Variants in SHOC1 observed in about 807,000 individuals in gnomAD.
SHOC1 encodes protein shortage in chiasmata 1 ortholog.
In SHOC1, 136 loss-of-function variants were observed where a neutral mutation model predicts 179.2. The ratio of observed to expected loss-of-function variants is 0.76; its 90% CI spans 0.66 to 0.87. The LOEUF is 0.87. Ranked by LOEUF, SHOC1 falls within the 40% of genes least tolerant of loss-of-function variation. SHOC1 has a pLI of 0.00. For synonymous variants in SHOC1, 489 were observed against 586.6 expected (o/e 0.83, Z 2.41); for missense variants, 1,538 against 1,700.8 (o/e 0.90, Z 1.68).
intron 5 of SHOC1, 76 bp from the exon 6 acceptor site, chr9:111,758,924 A>T (rs1835008336): frequency 9.5e-6 from 9 of 949,446 alleles, no homozygotes; most frequent in Non-Finnish European, 1.4e-5. Context: ...TAGTTAATGT[A>T]ATCAGTCATT....
intron 5 of SHOC1, among the ~76,000 whole-genome samples, chr9:111,766,265 G>A (rs377607946): frequency 6.6e-6 from 1 of 152,136 alleles, no homozygotes; most frequent in East Asian, 1.9e-4. Context: ...ATATTCCATT[G>A]TGTAGATATA....
Position 111,691,544 on chromosome 9 carries a change from G to T in SHOC1, c.4426+7C>A, listed in dbSNP as rs1831422130. 2 of 1,606,390 alleles carry T rather than the reference G, an allele frequency of 1.2e-6. No homozygotes were observed. Among genetic ancestry groups the T allele is most frequent in the South Asian group, 1.1e-5 (1 of 90,160 alleles). On this transcript the variant is annotated splice_region_variant and intron_variant, in intron 27 of 27. Coordinates refer to ENST00000682961, the MANE Select transcript of SHOC1 (RefSeq NM_001378211.1). ...GAGTAGTTTTATCAACTATTGGATA[G>T]TGTTACCTGTTAATGATTCCTTGTC...
chr9:111,694,146 G>GA, intron 25 of SHOC1, 85 bp downstream of exon 25: 1 of 1,365,792 alleles, frequency 7.3e-7, no homozygotes, highest in Admixed American at 2.2e-5. Context: ...ACATTTGGGG[G>GA]AAAAATGTTA....
Position 111,738,317 on chromosome 9 carries a change from A to G in SHOC1, c.1380T>C (p.Ile460=). The G allele has an allele frequency of 6.2e-7, 1 of 1,611,628 alleles. No individual in the cohort carries two copies. Among genetic ancestry groups the G allele is most frequent in the Non-Finnish European group, 8.5e-7 (1 of 1,179,034 alleles). Residue 460 remains isoleucine, a synonymous_variant, in exon 12 of 28, where the codon ATT becomes ATC. Coordinates refer to ENST00000682961, the MANE Select transcript of SHOC1 (RefSeq NM_001378211.1). The stretch of plus-strand genomic sequence containing the variant: ...GCACTTTCGTAGGCAAAAATATCTC[A>G]ATTTTAGTGTCATTAGAAGACAAAT... ...HDNLSSNDTK[I]EIFLPTKVLQ...
intron 13 of SHOC1, 106 bp downstream of exon 13, chr9:111,727,522 AATAAC>A (rs1240188293): frequency 1.0e-6 from 1 of 992,812 alleles, no homozygotes; most frequent in African/African-American, 1.7e-5. Context: ...GACTACAAAA[AATAAC>A]ATAATTTTAT....
chr9:111,753,682 C>A (rs1380378915), intron 8 of SHOC1, among the ~76,000 whole-genome samples: 4 of 152,034 alleles, frequency 2.6e-5, no homozygotes, highest in Non-Finnish European at 5.9e-5. Context: ...ATGTGATACA[C>A]TACATTAATA....
intron 4 of SHOC1, among the ~76,000 whole-genome samples, chr9:111,780,638 T>C (rs1419582193): frequency 6.6e-6 from 1 of 152,178 alleles, no homozygotes; most frequent in Non-Finnish European, 1.5e-5. Context: ...TCTGTATTTA[T>C]AACATAGGTG....
In SHOC1 at chr9:111,686,602, T is replaced by A; in HGVS notation, c.*168A>T. The A allele has an allele frequency of 1.8e-5, 9 of 500,486 alleles. No homozygotes were observed. The South Asian group carries it at 2.3e-4, about 13-fold the overall frequency. The allele number at this position is 500,486 out of a possible 1,614,324, so 31.0% of individuals were successfully genotyped here. ...AATTAGAATATTTAACTTACAAAGATGCAAACCATAGGGCAGAATACATAT... is the reference window on the plus strand; with the variant it reads ...AATTAGAATATTTAACTTACAAAGAAGCAAACCATAGGGCAGAATACATAT... On this transcript the variant is annotated 3_prime_UTR_variant, in exon 28 of 28. Coordinates refer to ENST00000682961, the MANE Select transcript of SHOC1 (RefSeq NM_001378211.1).
chr9:111,720,802 G>A (rs1410232452), intron 15 of SHOC1, among the ~76,000 whole-genome samples: 1 of 152,120 alleles, frequency 6.6e-6, no homozygotes, highest in Non-Finnish European at 1.5e-5. Flanking sequence ...TTTGATCTAG[G>A]TCTTTTTAAA....
At chr9:111,692,566 T>C in intron 26 of SHOC1, 55 bp from the exon 27 acceptor site, 2 of 1,340,816 alleles carry the variant, frequency 1.5e-6, no homozygotes, top group Non-Finnish European at 2.0e-6. Flanking sequence ...TAAATAATGA[T>C]GCTTATCTAT....
rs1589372861 is a variant in SHOC1 at position 111,694,285 on chromosome 9, C to T, written c.3261G>A (p.Lys1087=). 1 of 1,612,182 alleles carries T rather than the reference C, an allele frequency of 6.2e-7. No individual in the cohort carries two copies. The highest frequency in any genetic ancestry group is 8.5e-7 in the Non-Finnish European group (1 of 1,178,660). Reference sequence around the variant, plus strand: ...TATCCAACCATTCATGAGGATCTCTCTTTGAGGTCATTAAACTGTGGTCAG... The same window carrying T: ...TATCCAACCATTCATGAGGATCTCTTTTTGAGGTCATTAAACTGTGGTCAG... ...QIADHSLMTS[K]RDPHEWLDKS... The change falls in exon 25 of 28, where the codon AAG becomes AAA. Residue 1087 remains lysine, a synonymous_variant. Coordinates refer to ENST00000682961, the MANE Select transcript of SHOC1 (RefSeq NM_001378211.1).
At chr9:111,752,742 A>G (rs1390263742) in intron 8 of SHOC1, among the ~76,000 whole-genome samples, 1 of 152,246 alleles carries the variant, frequency 6.6e-6, no homozygotes, top group East Asian at 1.9e-4. Flanking sequence ...AGAAATTCTC[A>G]GCAGTGAAAG....
At chr9:111,748,305 C>A (rs568958749) in intron 8 of SHOC1, 106 bp from the exon 9 acceptor site, 11 of 742,010 alleles carry the variant, frequency 1.5e-5, no homozygotes, top group Admixed American at 2.7e-5. Context: ...TGTTTTATTG[C>A]ATGTCAATTT....
intron 5 of SHOC1, among the ~76,000 whole-genome samples, chr9:111,772,091 C>G (rs1835631495): frequency 6.6e-6 from 1 of 151,838 alleles, no homozygotes; most frequent in East Asian, 1.9e-4. Flanking sequence ...TGTTCTTTTT[C>G]TTTCTTTTTT....
At chr9:111,735,887 C>T (rs1449121091) in intron 12 of SHOC1, among the ~76,000 whole-genome samples, 1 of 152,142 alleles carries the variant, frequency 6.6e-6, no homozygotes, top group African/African-American at 2.4e-5. Context: ...TTCTAACTGG[C>T]GTGAGATGGT....
At chr9:111,774,235 G>C (rs560220070) in intron 5 of SHOC1, among the ~76,000 whole-genome samples, 1 of 151,968 alleles carries the variant, frequency 6.6e-6, no homozygotes, top group Admixed American at 6.5e-5. Flanking sequence ...AAAAATAGAA[G>C]AATATATAAT....
chr9:111,743,716 T>C (rs557982245), intron 10 of SHOC1, among the ~76,000 whole-genome samples: 1 of 152,340 alleles, frequency 6.6e-6, no homozygotes, highest in East Asian at 1.9e-4. Context: ...AACTTTATCA[T>C]AGGTATGAAT....
intron 19 of SHOC1, 63 bp from the exon 20 acceptor site, chr9:111,706,809 T>C: frequency 8.7e-7 from 1 of 1,150,130 alleles, no homozygotes; most frequent in Non-Finnish European, 1.2e-6. Flanking sequence ...GTTGAACTAT[T>C]AAAAGATGAC....
At chr9:111,707,192 A>C (rs982426418) in intron 19 of SHOC1, among the ~76,000 whole-genome samples, 3 of 152,044 alleles carry the variant, frequency 2.0e-5, no homozygotes, top group African/African-American at 7.2e-5. Context: ...AAAGATGGAC[A>C]CTTAAATATC....
Sources: gnomAD v4.1 joint callset for allele counts (sites outside exome capture counted in the v4.1 genomes callset) on GRCh38, gnomAD v4.1.1 for gene constraint, MANE v1.5 for transcripts, NCBI Gene and HGNC (gene_info 2026-07-23, HGNC 2026-07-21) for gene names.